Variants in SEMA3E observed in about 807,000 individuals in gnomAD.
SEMA3E encodes semaphorin-3E.
In SEMA3E, 49 loss-of-function variants were observed where a neutral mutation model predicts 93.6. That is an observed-to-expected ratio of 0.52 (90% CI 0.42 to 0.66). The LOEUF is 0.66. Ranked by LOEUF, SEMA3E falls within the 30% of genes least tolerant of loss-of-function variation. The probability of loss-of-function intolerance (pLI) is 0.00; values close to 1 mark genes in which losing one functional copy is unlikely to be tolerated. For missense variants in SEMA3E, 906 were observed against 964.8 expected (o/e 0.94, Z 0.81); for synonymous variants, 363 against 330.7 (o/e 1.10, Z -1.06).
At chr7:83,542,186 G>T (rs531489559) in intron 1 of SEMA3E, among the ~76,000 whole-genome samples, 1 of 138,934 alleles carries the variant, frequency 7.2e-6, no homozygotes, top group Non-Finnish European at 1.6e-5. Context: ...CTATAAAAAA[G>T]TTAAAAAAAA....
chr7:83,413,368 A>G (rs936360551), intron 5 of SEMA3E, among the ~76,000 whole-genome samples: 1 of 152,228 alleles, frequency 6.6e-6, no homozygotes, highest in Non-Finnish European at 1.5e-5. Flanking sequence ...TGTTATGCAA[A>G]TCTAAATAAT....
At chr7:83,448,663 A>T (rs976372594) in intron 4 of SEMA3E, among the ~76,000 whole-genome samples, 1 of 152,200 alleles carries the variant, frequency 6.6e-6, no homozygotes, top group African/African-American at 2.4e-5. Flanking sequence ...ATTTCTTCAG[A>T]TCCTTTAAAG....
At chr7:83,552,554 T>C (rs915384208) in intron 1 of SEMA3E, among the ~76,000 whole-genome samples, 3 of 152,186 alleles carry the variant, frequency 2.0e-5, no homozygotes, top group Non-Finnish European at 4.4e-5. Flanking sequence ...AGAGAGCCTA[T>C]AAACAGATGT....
At chr7:83,558,264 A>T (rs563719934) in intron 1 of SEMA3E, among the ~76,000 whole-genome samples, 2 of 152,170 alleles carry the variant, frequency 1.3e-5, no homozygotes, top group Non-Finnish European at 2.9e-5. Context: ...GTTCTGCCAC[A>T]TTGCTGTGAG....
At position 83,385,359 on chromosome 7, in the gene SEMA3E, G is replaced by C; in HGVS notation, c.1810C>G (p.Pro604Ala). The C allele has an allele frequency of 1.2e-6, 2 of 1,613,448 alleles. No individual in the cohort carries two copies. The change falls in exon 16 of 17, where the codon CCA (proline) becomes GCA (alanine). Residue 604 changes from proline to alanine, a missense_variant. Coordinates refer to ENST00000643230, the MANE Select transcript of SEMA3E (RefSeq NM_012431.3). Reference protein sequence around the residue: ...ENNSTLLECTPRSLQAKVIWF... With the variant: ...ENNSTLLECTARSLQAKVIWF... ...ATAACTTTCGCTTGTAAAGATCGTG[G>C]GGTACATTCCAGCAAAGTACTGTTG...
intron 1 of SEMA3E, among the ~76,000 whole-genome samples, chr7:83,577,870 A>G (rs1038019864): frequency 6.6e-6 from 1 of 152,080 alleles, no homozygotes; most frequent in Non-Finnish European, 1.5e-5. Context: ...AAATAATCTC[A>G]TAACATTTAT....
chr7:83,442,641 A>T (rs1789139168), intron 4 of SEMA3E, among the ~76,000 whole-genome samples: 1 of 151,992 alleles, frequency 6.6e-6, no homozygotes, highest in African/African-American at 2.4e-5. Context: ...ACTCGGGGTC[A>T]GGTTTTTGTT....
rs537845235 is a variant in SEMA3E, at chr7:83,640,772, A to G, written c.115+7656T>C. On this transcript the variant is annotated intron_variant, in intron 1 of 16. Coordinates refer to ENST00000643230, the MANE Select transcript of SEMA3E (RefSeq NM_012431.3). ...TTAAGGTGAGGAAGAAATCAAAAGT[A>G]TTTATCTGGAAGAGAAGTAGAAGAA... Among the ~76,000 whole-genome samples the G allele has an allele frequency of 2.2e-3, 330 of 152,246 alleles. 2 individuals are homozygous for G. Among genetic ancestry groups the G allele is most frequent in the Non-Finnish European group, 3.8e-3 (257 of 67,998 alleles).
chr7:83,593,523 A>T (rs1792804978), intron 1 of SEMA3E, among the ~76,000 whole-genome samples: 1 of 152,110 alleles, frequency 6.6e-6, no homozygotes, highest in African/African-American at 2.4e-5. Flanking sequence ...AAGAATACTT[A>T]GTACCTGTGA....
chr7:83,413,712 G>A (rs1241384297), intron 5 of SEMA3E, among the ~76,000 whole-genome samples: 2 of 152,160 alleles, frequency 1.3e-5, no homozygotes, highest in Non-Finnish European at 2.9e-5. Context: ...TTTGGTTTGG[G>A]AAGATGATTA....
chr7:83,595,919 C>G (rs147633592), intron 1 of SEMA3E, among the ~76,000 whole-genome samples: 1 of 151,928 alleles, frequency 6.6e-6, no homozygotes, highest in Admixed American at 6.6e-5. Context: ...TGAAAATATT[C>G]CATTTATCTT....
chr7:83,381,126 T>C (rs1315835605), intron 16 of SEMA3E, among the ~76,000 whole-genome samples: 1 of 152,000 alleles, frequency 6.6e-6, no homozygotes, highest in Non-Finnish European at 1.5e-5. Context: ...AGTGATCTTT[T>C]TAAATACAAA....
intron 1 of SEMA3E, among the ~76,000 whole-genome samples, chr7:83,609,344 G>A (rs1218937675): frequency 1.3e-5 from 2 of 151,912 alleles, no homozygotes; most frequent in African/African-American, 4.8e-5. Context: ...TTAAACACAT[G>A]TTTAAAAGTA....
intron 16 of SEMA3E, 122 bp downstream of exon 16, chr7:83,385,171 AT>A: frequency 1.1e-6 from 1 of 934,634 alleles, no homozygotes; most frequent in Non-Finnish European, 1.6e-6. Context: ...AAACTGACTT[AT>A]TAAATAAGGC....
intron 1 of SEMA3E, among the ~76,000 whole-genome samples, chr7:83,510,674 T>C (rs1376941417): frequency 6.6e-6 from 1 of 152,200 alleles, no homozygotes; most frequent in African/African-American, 2.4e-5. Flanking sequence ...TCAATTGTTA[T>C]GATTTTTACC....
At chr7:83,628,972 G>A (rs1415962671) in intron 1 of SEMA3E, among the ~76,000 whole-genome samples, 1 of 152,034 alleles carries the variant, frequency 6.6e-6, no homozygotes, top group Non-Finnish European at 1.5e-5. Context: ...GAGTTTTTGA[G>A]TAGTCATCCT....
Position 83,516,211 on chromosome 7 carries a change from G to A in SEMA3E, c.116-25937C>T, listed in dbSNP as rs77894856. ...ATTTAATATGTATTTTTATATACTG[G>A]ACTAATTTCTGGGCACACTAATACA... On this transcript the variant is annotated intron_variant, in intron 1 of 16. Coordinates refer to ENST00000643230, the MANE Select transcript of SEMA3E (RefSeq NM_012431.3). 1.1e-3 allele frequency among the ~76,000 whole-genome samples: 171 copies of A among 151,974 alleles called. 2 individuals are homozygous for A. The highest frequency in any genetic ancestry group is 4.1e-3 in the African/African-American group (169 of 41,444).
chr7:83,483,260 T>C (rs1790185895), intron 2 of SEMA3E, among the ~76,000 whole-genome samples: 1 of 152,186 alleles, frequency 6.6e-6, no homozygotes, highest in South Asian at 2.1e-4. Context: ...GAAAATATAT[T>C]TCAATGTTAC....
Position 83,605,121 on chromosome 7 carries a change from A to G in SEMA3E, c.115+43307T>C, listed in dbSNP as rs1018321790. Among the ~76,000 whole-genome samples, 7 of 152,166 alleles carry G rather than the reference A, an allele frequency of 4.6e-5. No homozygotes were observed. The East Asian group carries it at 1.4e-3, about 29-fold the overall frequency. The stretch of plus-strand genomic sequence containing the variant: ...GTGCATGTGTCTTTATACTAGAATG[A>G]TTTAAAATCCTTTGGGTACATACCC... On this transcript the variant is annotated intron_variant, in intron 1 of 16. Transcript: ENST00000643230.
Sources: gnomAD v4.1 joint callset for allele counts (sites outside exome capture counted in the v4.1 genomes callset) on GRCh38, gnomAD v4.1.1 for gene constraint, MANE v1.5 for transcripts, NCBI Gene and HGNC (gene_info 2026-07-23, HGNC 2026-07-21) for gene names.